The following WDR62 variants were observed in gnomAD, a reference collection of about 807,000 sequenced individuals.
WDR62 encodes WD repeat domain 62, also known as WD repeat-containing protein 62.
WDR62 carries 112 observed loss-of-function variants against 160.6 expected under a neutral mutation model. That is an observed-to-expected ratio of 0.70 (90% confidence interval 0.60 to 0.82). The LOEUF (loss-of-function observed/expected upper bound fraction) is 0.82. Among genes scored for constraint, WDR62 ranks in the 40% least tolerant of loss-of-function variants. The pLI, the probability that WDR62 is intolerant of heterozygous loss-of-function variation, is 0.00. For missense variants in WDR62, 1,819 were observed against 1,983.8 expected (o/e 0.92, Z 1.58); for synonymous variants, 792 against 815.1 (o/e 0.97, Z 0.48).
intron 3 of WDR62, among the ~76,000 whole-genome samples, chr19:36,063,386 C>T (rs1177574777): frequency 6.6e-6 from 1 of 151,804 alleles, no homozygotes; most frequent in African/African-American, 2.4e-5. Flanking sequence ...GTAGCTGGGA[C>T]TACAGGCATG....
Position 36,084,637 on chromosome 19 carries a change from GGT to G in WDR62, c.1551-9_1551-8del. 2 of 1,613,096 alleles carry G rather than the reference GGT, an allele frequency of 1.2e-6. No homozygotes were observed. The highest frequency in any genetic ancestry group is 4.5e-5 in the East Asian group (2 of 44,872). On this transcript the variant is annotated splice_polypyrimidine_tract_variant and intron_variant, in intron 11 of 31. Transcript: ENST00000401500. ...GCTGGGGTGTGGGGCTTCAGCGGGC[GGT>G]GTGTGTCTCCCAGGATCCACGAGCT...
chr19:36,074,739 T>C (rs1971486237), intron 9 of WDR62, among the ~76,000 whole-genome samples: 1 of 152,260 alleles, frequency 6.6e-6, no homozygotes, highest in South Asian at 2.1e-4. Flanking sequence ...GCACTTTTTT[T>C]CCACTCAAAG....
At chr19:36,080,616 G>A (rs1971840061) in intron 9 of WDR62, among the ~76,000 whole-genome samples, 2 of 151,072 alleles carry the variant, frequency 1.3e-5, no homozygotes, top group South Asian at 2.1e-4. Context: ...GCACCACCAC[G>A]CCCAGCTAAT....
chr19:36,059,078 C>A (rs759485565), intron 2 of WDR62: 5 of 698,784 alleles, frequency 7.2e-6, no homozygotes, highest in Non-Finnish European at 1.3e-5. Context: ...CAATGAAAGC[C>A]TTTATTATGA....
chr19:36,099,742 A>G lies in WDR62; in HGVS notation c.2739+125A>G, dbSNP rs143133581. The G allele has an allele frequency of 0.013, 12,375 of 959,530 alleles. 120 individuals carry two copies. The highest frequency in any genetic ancestry group is 0.016 in the Non-Finnish European group (10,152 of 621,400). 59.4% of individuals were successfully genotyped at this position (959,530 alleles called of 1,614,324 possible). ...ATTACATGAGATGGTGAAGGGCAGGAGGGTGAGCCCCAGGTCTGTTGCACA... is the reference window on the plus strand; with the variant it reads ...ATTACATGAGATGGTGAAGGGCAGGGGGGTGAGCCCCAGGTCTGTTGCACA... On this transcript the variant is annotated intron_variant, in intron 22 of 31. Coordinates refer to ENST00000401500, the MANE Select transcript of WDR62 (RefSeq NM_001083961.2).
chr19:36,096,626 G>A (rs1439242459), intron 20 of WDR62, among the ~76,000 whole-genome samples: 1 of 151,718 alleles, frequency 6.6e-6, no homozygotes, highest in East Asian at 1.9e-4. Flanking sequence ...CAGGAGAATG[G>A]CATGAACCCG....
chr19:36,083,707 C>T (rs1352573279), intron 11 of WDR62, among the ~76,000 whole-genome samples: 1 of 152,046 alleles, frequency 6.6e-6, no homozygotes, highest in Non-Finnish European at 1.5e-5. Flanking sequence ...GACATAGGCC[C>T]TGTTGCTGGG....
chr19:36,062,667 A>C (rs1970715066), intron 3 of WDR62: 1 of 150,742 alleles, frequency 6.6e-6, no homozygotes, highest in Admixed American at 6.6e-5. Context: ...AAAAAAAAAA[A>C]AAAAAAAACT....
intron 5 of WDR62, 144 bp downstream of exon 5, chr19:36,066,571 T>C (rs749102059): frequency 1.7e-5 from 15 of 889,494 alleles, no homozygotes; most frequent in Non-Finnish European, 2.3e-5. Context: ...TGTGACATGC[T>C]GATCCCTTAT....
downstream of WDR62, among the ~76,000 whole-genome samples, chr19:36,108,552 C>T (rs552725152): frequency 5.0e-4 from 72 of 142,946 alleles, no homozygotes; most frequent in African/African-American, 2.1e-3. Context: ...TGGATGTTTG[C>T]CCAGAGGAGG....
intron 1 of WDR62, among the ~76,000 whole-genome samples, chr19:36,056,891 T>A (rs1970401840): frequency 6.7e-6 from 1 of 148,770 alleles, no homozygotes; most frequent in Non-Finnish European, 1.5e-5. Context: ...CTCACTGCAG[T>A]CTCAGCCTCC....
intron 9 of WDR62, chr19:36,075,960 A>T (rs1971550998): frequency 6.6e-6 from 1 of 152,238 alleles, no homozygotes; most frequent in Non-Finnish European, 1.5e-5. Context: ...CCAGTTTTCA[A>T]GATAATGAAT....
At chr19:36,056,550 CT>C (rs887162328) in intron 1 of WDR62, among the ~76,000 whole-genome samples, 23 of 152,322 alleles carry the variant, frequency 1.5e-4, no homozygotes, top group African/African-American at 5.5e-4. Context: ...CTTGAAAGGC[CT>C]TCTCGAACCC....
chr19:36,101,539 G>C lies in WDR62; in HGVS notation c.2972-125G>C, dbSNP rs189247116. On this transcript the variant is annotated intron_variant, in intron 24 of 31. Coordinates refer to ENST00000401500, the MANE Select transcript of WDR62 (RefSeq NM_001083961.2). The stretch of plus-strand genomic sequence containing the variant: ...GTGGAACTTCCCTTATTCATAAAAT[G>C]GGGGGCAGCTGCTCTTACCATCCCT... The C allele has an allele frequency of 2.8e-4, 234 of 827,118 alleles. 1 individual carries two copies. In the African/African-American group the frequency reaches 3.6e-3, roughly 13 times the overall value. 51.2% of individuals were successfully genotyped at this position (827,118 alleles called of 1,614,324 possible). A position where few individuals can be genotyped will look rare whatever the true frequency, so the allele number is the denominator to read the frequency against.
At chr19:36,095,578 G>C (rs2145818777) in intron 20 of WDR62, among the ~76,000 whole-genome samples, 1 of 152,362 alleles carries the variant, frequency 6.6e-6, no homozygotes. Context: ...TGGATCACCT[G>C]AGGTCAGGAG....
chr19:36,067,882 A>G lies in WDR62; in HGVS notation c.754A>G (p.Asn252Asp), dbSNP rs1360983173. ...GRSGILGELH[N>D]NIFCGVACGR... The stretch of plus-strand genomic sequence containing the variant: ...CTCGGGCATCCTGGGCGAGCTGCAC[A>G]ACAACATCTTCTGTGGTGTGGCCTG... Residue 252 changes from asparagine to aspartate, a missense_variant, in exon 7 of 32, where the codon AAC (asparagine) becomes GAC (aspartate). Around this residue, in one of 3 missense-constraint regions of WDR62, gnomAD observed 934 missense variants for 1,157.2 expected, o/e 0.81. Coordinates refer to ENST00000401500, the MANE Select transcript of WDR62 (RefSeq NM_001083961.2). The G allele has an allele frequency of 6.2e-7, 1 of 1,614,190 alleles. No individual in the cohort carries two copies. Among genetic ancestry groups the G allele is most frequent in the Non-Finnish European group, 8.5e-7 (1 of 1,180,020 alleles).
At chr19:36,089,829 C>T (rs751193954) in intron 15 of WDR62, among the ~76,000 whole-genome samples, 4 of 152,196 alleles carry the variant, frequency 2.6e-5, no homozygotes, top group Non-Finnish European at 5.9e-5. Flanking sequence ...TCCCTAGAGC[C>T]GGTGTGGGAT....
chr19:36,066,682 T>C (rs1419917257), intron 5 of WDR62, among the ~76,000 whole-genome samples: 1 of 152,234 alleles, frequency 6.6e-6, no homozygotes, highest in Non-Finnish European at 1.5e-5. Flanking sequence ...TGTGAGTCTG[T>C]TTCCTCCTCT....
intron 26 of WDR62, chr19:36,102,492 C>G: frequency 1.7e-6 from 1 of 591,760 alleles, no homozygotes; most frequent in Non-Finnish European, 3.0e-6. Flanking sequence ...AAACTCCTGC[C>G]TCAGATGATC....
Sources: gnomAD v4.1 joint callset for allele counts (sites outside exome capture counted in the v4.1 genomes callset) on GRCh38, gnomAD v4.1.1 for gene constraint, gnomAD v4.1.1 regional missense constraint, MANE v1.5 for transcripts, NCBI Gene and HGNC (gene_info 2026-07-23, HGNC 2026-07-21) for gene names.